The following LRFN2 variants were observed in gnomAD, a reference collection of about 807,000 sequenced individuals.
LRFN2 encodes the protein leucine rich repeat and fibronectin type III domain containing 2.
LRFN2 carries 18 observed loss-of-function variants against 37.3 expected under a neutral mutation model. The observed-to-expected ratio is 0.48, with a 90% CI of 0.33 to 0.72. LRFN2 has a LOEUF of 0.72. Ranked by LOEUF, LRFN2 falls within the 30% of genes least tolerant of loss-of-function variation. The probability of loss-of-function intolerance (pLI) is 0.02; values close to 1 mark genes in which losing one functional copy is unlikely to be tolerated. For missense variants in LRFN2, 1,006 were observed against 1,060.7 expected, an observed-to-expected ratio of 0.95 and a Z score of 0.72; for synonymous variants, 556 against 466.6, an observed-to-expected ratio of 1.19 and a Z score of -2.47.
intron 2 of LRFN2, among the ~76,000 whole-genome samples, chr6:40,414,158 TC>T (rs1763042264): frequency 6.6e-6 from 1 of 151,956 alleles, no homozygotes; most frequent in African/African-American, 2.4e-5. Flanking sequence ...TTACATACCC[TC>T]TCTTCTCCCT....
chr6:40,576,016 A>G (rs1250305574), intron 1 of LRFN2, among the ~76,000 whole-genome samples: 1 of 152,172 alleles, frequency 6.6e-6, no homozygotes, highest in Non-Finnish European at 1.5e-5. Flanking sequence ...GGCCATTATT[A>G]TTATGTTATA....
At chr6:40,449,730 A>G (rs1430938239) in intron 1 of LRFN2, among the ~76,000 whole-genome samples, 1 of 152,192 alleles carries the variant, frequency 6.6e-6, no homozygotes, top group Non-Finnish European at 1.5e-5. Flanking sequence ...GACTCATACG[A>G]ACTTGTAAAA....
chr6:40,465,642 C>T (rs886089198), intron 1 of LRFN2, among the ~76,000 whole-genome samples: 1 of 152,060 alleles, frequency 6.6e-6, no homozygotes, highest in Non-Finnish European at 1.5e-5. Flanking sequence ...CTCTCCTGAC[C>T]CATGTAGGAT....
intron 1 of LRFN2, among the ~76,000 whole-genome samples, chr6:40,532,669 T>C (rs1766368353): frequency 6.6e-6 from 1 of 152,214 alleles, no homozygotes; most frequent in African/African-American, 2.4e-5. Flanking sequence ...GTTCCGGATT[T>C]CCCAGTCAGA....
rs79010128 is a variant in LRFN2 at position 40,397,902 on chromosome 6, A to C, written c.1401-4990T>G. ...ATGGACTGTTTGTTCCTGTTCCATGATCAGACACTACAGAAGTCAAGAGTA... is the reference window on the plus strand; with the variant it reads ...ATGGACTGTTTGTTCCTGTTCCATGCTCAGACACTACAGAAGTCAAGAGTA... On this transcript the variant is annotated intron_variant, in intron 2 of 2. Coordinates refer to ENST00000338305, the MANE Select transcript of LRFN2 (RefSeq NM_020737.3). 2.3e-3 allele frequency among the ~76,000 whole-genome samples: 350 copies of C among 151,952 alleles called. 11 individuals are homozygous for C. The East Asian group carries it at 0.056, about 24-fold the overall frequency.
intron 1 of LRFN2, among the ~76,000 whole-genome samples, chr6:40,550,738 G>A (rs1252900865): frequency 6.6e-6 from 1 of 152,096 alleles, no homozygotes; most frequent in Non-Finnish European, 1.5e-5. Context: ...GTGTGTTGAG[G>A]TGTAAACAGC....
intron 1 of LRFN2, among the ~76,000 whole-genome samples, chr6:40,560,398 A>G (rs1766970618): frequency 6.6e-6 from 1 of 152,188 alleles, no homozygotes; most frequent in South Asian, 2.1e-4. Flanking sequence ...AGTTGAGGCC[A>G]AAGACCCAAC....
intron 1 of LRFN2, among the ~76,000 whole-genome samples, chr6:40,558,192 C>T (rs1307481741): frequency 7.2e-5 from 11 of 152,152 alleles, no homozygotes; most frequent in Non-Finnish European, 2.9e-5. Context: ...CCAGAGAGAT[C>T]CTCCAGCACA....
Position 40,451,893 on chromosome 6 carries a change from T to C in LRFN2, c.-18-18762A>G, listed in dbSNP as rs116170326. On this transcript the variant is annotated intron_variant, in intron 1 of 2. Transcript: ENST00000338305. The stretch of plus-strand genomic sequence containing the variant: ...TCCAGAAATAATGAGAAGGCACATA[T>C]GACACCTTTCCAGATTAGGATTAAG... Among the ~76,000 whole-genome samples the C allele has an allele frequency of 2.8e-3, 433 of 152,312 alleles. 2 individuals carry two copies. The highest frequency in any genetic ancestry group is 0.01 in the African/African-American group (418 of 41,568).
At chr6:40,450,128 T>C (rs948655412) in intron 1 of LRFN2, among the ~76,000 whole-genome samples, 2 of 152,176 alleles carry the variant, frequency 1.3e-5, no homozygotes, top group African/African-American at 4.8e-5. Context: ...TACGAAGTCA[T>C]CTTTCCTTTC....
Position 40,508,564 on chromosome 6 carries a change from G to T in LRFN2, c.-18-75433C>A, listed in dbSNP as rs1032786711. On this transcript the variant is annotated intron_variant, in intron 1 of 2. Transcript: ENST00000338305. Reference sequence around the variant, plus strand: ...GGAGCCCACTTAGATTCAAATTCTTGTTCTACTGCATACTAGTGGGTCACC... The same window carrying T: ...GGAGCCCACTTAGATTCAAATTCTTTTTCTACTGCATACTAGTGGGTCACC... Among the ~76,000 whole-genome samples, 16 of 152,270 alleles carry T rather than the reference G, an allele frequency of 1.1e-4. No homozygotes were observed. The East Asian group carries it at 1.5e-3, about 15-fold the overall frequency.
At chr6:40,498,281 A>C (rs183985050) in intron 1 of LRFN2, among the ~76,000 whole-genome samples, 1 of 152,284 alleles carries the variant, frequency 6.6e-6, no homozygotes, top group African/African-American at 2.4e-5. Context: ...CAAAAAGTCC[A>C]GTCTTCTGCC....
chr6:40,432,746 A>G lies in LRFN2; in HGVS notation c.368T>C (p.Leu123Pro). Residue 123 changes from leucine to proline, a missense_variant, in exon 2 of 3, where the codon CTG (leucine) becomes CCG (proline). Around this residue, in one of 4 missense-constraint regions of LRFN2, gnomAD observed 185 missense variants for 254.9 expected, o/e 0.73. Transcript: ENST00000338305. ...CACGATAAGGTGCTGCAGGTTGACC[A>G]GGCCCCGGAGGGTGTCCTCCCCAAG... ...PSLGEDTLRG[L>P]VNLQHLIVNN... is the part of the protein sequence containing the mutation. The G allele has an allele frequency of 6.2e-7, 1 of 1,614,190 alleles. No individual in the cohort carries two copies. The highest frequency in any genetic ancestry group is 8.5e-7 in the Non-Finnish European group (1 of 1,180,032).
intron 1 of LRFN2, among the ~76,000 whole-genome samples, chr6:40,441,024 G>A (rs1423587167): frequency 6.6e-6 from 1 of 152,144 alleles, no homozygotes; most frequent in African/African-American, 2.4e-5. Context: ...AGAAACGTGA[G>A]ATGCAGGGAA....
intron 1 of LRFN2, among the ~76,000 whole-genome samples, chr6:40,489,957 T>G (rs2113869098): frequency 6.6e-6 from 1 of 152,274 alleles, no homozygotes. Context: ...TCACTTCCCC[T>G]TGACCTCTCT....
chr6:40,573,420 C>T (rs1468064104), intron 1 of LRFN2, among the ~76,000 whole-genome samples: 1 of 152,204 alleles, frequency 6.6e-6, no homozygotes, highest in African/African-American at 2.4e-5. Flanking sequence ...CTCTGTGTTT[C>T]AGTTCCCTCT....
At chr6:40,532,259 C>G (rs999395947) in intron 1 of LRFN2, among the ~76,000 whole-genome samples, 2 of 152,200 alleles carry the variant, frequency 1.3e-5, no homozygotes, top group African/African-American at 4.8e-5. Context: ...TTGGGGTCAT[C>G]ATATCCCAGA....
In LRFN2 at chr6:40,539,091, C is replaced by CA. The variant is rs1258037854; in HGVS notation, c.-19+47849_-19+47850insT. Among the ~76,000 whole-genome samples the CA allele has an allele frequency of 4.6e-5, 7 of 152,184 alleles. No homozygotes were observed. The East Asian group carries it at 1.2e-3, about 25-fold the overall frequency. ...CACTCCATCTTCTACCCTCTCAGCC[C>CA]CAAAACCATCCCCATCCCCCTCCTT... On this transcript the variant is annotated intron_variant, in intron 1 of 2. Transcript: ENST00000338305.
chr6:40,476,079 A>T (rs114207093), intron 1 of LRFN2, among the ~76,000 whole-genome samples: 2,426 of 152,248 alleles, frequency 0.016, 64 homozygotes, highest in African/African-American at 0.052. Flanking sequence ...TGGCCTAGGA[A>T]GCCCCTTCCT....
Sources: allele counts gnomAD v4.1 joint callset (sites outside exome capture counted in the v4.1 genomes callset), GRCh38; gene constraint gnomAD v4.1.1; regional missense constraint gnomAD v4.1.1; transcripts MANE v1.5; gene names NCBI Gene and HGNC (gene_info 2026-07-23, HGNC 2026-07-21).